Variants in FXR1 observed in about 807,000 individuals in gnomAD.
The protein encoded by FXR1 is RNA-binding protein FXR1.
In FXR1, 15 loss-of-function variants were observed where a neutral mutation model predicts 84.0. The ratio of observed to expected loss-of-function variants is 0.18; its 90% CI spans 0.12 to 0.27. The LOEUF (loss-of-function observed/expected upper bound fraction) is 0.27, where lower values mean the gene tolerates loss of function less well. FXR1 is among the 10% of genes least tolerant of loss of function. FXR1 has a pLI of 1.00. For missense variants in FXR1, 480 were observed against 774.4 expected, an observed-to-expected ratio of 0.62 and a Z score of 4.51; for synonymous variants, 245 against 250.7, an observed-to-expected ratio of 0.98 and a Z score of 0.21.
chr3:180,927,832 C>T (rs998951501), intron 1 of FXR1: 5 of 419,012 alleles, frequency 1.2e-5, no homozygotes, highest in Non-Finnish European at 2.1e-5. Flanking sequence ...TCACCTAGTT[C>T]ATATCCATCG....
At chr3:180,922,631 CAAAA>C (rs1718715170) in intron 1 of FXR1, among the ~76,000 whole-genome samples, 1 of 152,046 alleles carries the variant, frequency 6.6e-6, no homozygotes, top group Non-Finnish European at 1.5e-5. Flanking sequence ...GATAGGATCT[CAAAA>C]TAAATAATAC....
chr3:180,922,230 A>G (rs1718678582), intron 1 of FXR1, among the ~76,000 whole-genome samples: 1 of 152,326 alleles, frequency 6.6e-6, no homozygotes, highest in African/African-American at 2.4e-5. Flanking sequence ...ACTGTAATAA[A>G]TGTTGAAAGA....
At chr3:180,948,269 G>A (rs1173309036) in intron 4 of FXR1, 78 bp from the exon 5 acceptor site, 2 of 1,045,378 alleles carry the variant, frequency 1.9e-6, no homozygotes, top group Non-Finnish European at 2.9e-6. Context: ...GTTAAGCTGA[G>A]CAAGGTAATT....
In FXR1 at chr3:180,978,267, A is replaced by G. The variant is rs1354343324; in HGVS notation, c.*1975A>G. The G allele has an allele frequency of 2.0e-5, 3 of 150,546 alleles. No individual in the cohort carries two copies. Among genetic ancestry groups the G allele is most frequent in the African/African-American group, 4.8e-5 (2 of 41,260 alleles). The allele number at this position is 150,546 out of a possible 1,614,324, so 9.3% of individuals were successfully genotyped here. A position where few individuals can be genotyped will look rare whatever the true frequency, so the allele number is the denominator to read the frequency against. On this transcript the variant is annotated 3_prime_UTR_variant, in exon 17 of 17. Transcript: ENST00000357559. ...TCCCTTTTCCATAAAGATGGTTTCA[A>G]TGGGAATGGAAGAAACAAAATCTTA...
intron 1 of FXR1, among the ~76,000 whole-genome samples, chr3:180,925,579 G>A (rs1033977127): frequency 1.3e-5 from 2 of 152,074 alleles, no homozygotes; most frequent in Admixed American, 6.6e-5. Context: ...ACAGAAAATC[G>A]CAAGCAAACC....
intron 1 of FXR1, among the ~76,000 whole-genome samples, chr3:180,919,193 A>G (rs911925887): frequency 6.6e-6 from 1 of 152,152 alleles, no homozygotes; most frequent in Non-Finnish European, 1.5e-5. Context: ...GTCTGAATTG[A>G]GACATGCTTT....
At chr3:180,921,895 C>G (rs546055022) in intron 1 of FXR1, among the ~76,000 whole-genome samples, 12 of 152,014 alleles carry the variant, frequency 7.9e-5, no homozygotes, top group Non-Finnish European at 1.5e-4. Flanking sequence ...ATTAGGTAAC[C>G]TTTGTTTGTA....
At chr3:180,947,602 TTAAAA>T (rs1721833103) in intron 3 of FXR1, among the ~76,000 whole-genome samples, 1 of 152,230 alleles carries the variant, frequency 6.6e-6, no homozygotes, top group Non-Finnish European at 1.5e-5. Flanking sequence ...GAGCATTTCT[TTAAAA>T]TAATACTTAT....
At chr3:180,932,264 T>C (rs1318202361) in intron 1 of FXR1, among the ~76,000 whole-genome samples, 1 of 152,132 alleles carries the variant, frequency 6.6e-6, no homozygotes, top group Non-Finnish European at 1.5e-5. Context: ...TTTATATAGC[T>C]AGTGTGCCTT....
intron 1 of FXR1, chr3:180,914,840 A>T: frequency 1.0e-6 from 1 of 985,052 alleles, no homozygotes; most frequent in Non-Finnish European, 1.2e-6. Context: ...GTGTGCACTG[A>T]AATCATGTAC....
chr3:180,979,004 C>T lies in FXR1; in HGVS notation c.*2712C>T, dbSNP rs1029306836. The T allele has an allele frequency of 6.6e-6, 1 of 152,008 alleles. No individual in the cohort carries two copies. The highest frequency in any genetic ancestry group is 2.1e-4 in the South Asian group (1 of 4,828). 9.4% of individuals were successfully genotyped at this position (152,008 alleles called of 1,614,324 possible). Reference sequence around the variant, plus strand: ...ACACAAATCTTTATTTTGAAATAATCTTGTATTTTAATGTGGAATTAGAAG... The same window carrying T: ...ACACAAATCTTTATTTTGAAATAATTTTGTATTTTAATGTGGAATTAGAAG... On this transcript the variant is annotated 3_prime_UTR_variant, in exon 17 of 17. Coordinates refer to ENST00000357559, the MANE Select transcript of FXR1 (RefSeq NM_005087.4).
chr3:180,961,390 T>C, intron 10 of FXR1, 78 bp from the exon 11 acceptor site: 1 of 494,346 alleles, frequency 2.0e-6, no homozygotes, highest in Admixed American at 2.9e-5. Context: ...TGTGCCTGCC[T>C]GTCAGTTTCA....
chr3:180,975,003 T>C (rs1398116949), intron 15 of FXR1, among the ~76,000 whole-genome samples: 1 of 132,772 alleles, frequency 7.5e-6, no homozygotes, highest in Non-Finnish European at 1.5e-5. Context: ...GTATTTCCTT[T>C]TACTGGTTGT....
intron 15 of FXR1, chr3:180,971,014 GT>G (rs928435057): frequency 1.4e-5 from 6 of 428,468 alleles, no homozygotes; most frequent in African/African-American, 4.3e-5. Flanking sequence ...AGGAAAGAAG[GT>G]TTTTTTGTTT....
chr3:180,915,394 T>A lies in FXR1; in HGVS notation c.51+2658T>A. 4.2e-6 allele frequency: 3 copies of A among 711,132 alleles called. No individual in the cohort carries two copies. The South Asian group carries it at 5.9e-5, about 14-fold the overall frequency. 44.1% of individuals were successfully genotyped at this position (711,132 alleles called of 1,614,324 possible). ...GTGTTTTCTGTCCCCATAGTTTTTC[T>A]TATTCAGAACGTTACGTATATAGAA... On this transcript the variant is annotated intron_variant, in intron 1 of 16. Transcript: ENST00000357559.
chr3:180,935,877 A>G (rs2108447198), intron 3 of FXR1, among the ~76,000 whole-genome samples: 1 of 152,120 alleles, frequency 6.6e-6, no homozygotes, highest in East Asian at 1.9e-4. Flanking sequence ...CCGGCCCTAC[A>G]AACATTTTAT....
At chr3:180,956,990 G>C (rs561359204) in intron 9 of FXR1, among the ~76,000 whole-genome samples, 24 of 152,304 alleles carry the variant, frequency 1.6e-4, no homozygotes, top group African/African-American at 4.3e-4. Flanking sequence ...GCTGTTCACT[G>C]TCTAAGGGAT....
intron 7 of FXR1, among the ~76,000 whole-genome samples, chr3:180,950,361 AAC>A (rs1722103547): frequency 6.6e-6 from 1 of 152,198 alleles, no homozygotes; most frequent in Non-Finnish European, 1.5e-5. Flanking sequence ...AGATGAATAA[AAC>A]AGTTTCTTTT....
intron 14 of FXR1, 73 bp downstream of exon 14, chr3:180,968,327 C>T: frequency 4.1e-6 from 4 of 968,924 alleles, no homozygotes; most frequent in Non-Finnish European, 6.4e-6. Flanking sequence ...AATTCATCTC[C>T]CAGGGCCACC....
Sources: allele counts gnomAD v4.1 joint callset (sites outside exome capture counted in the v4.1 genomes callset), GRCh38; gene constraint gnomAD v4.1.1; transcripts MANE v1.5; gene names NCBI Gene and HGNC (gene_info 2026-07-23, HGNC 2026-07-21).